The following DYM variants were observed in gnomAD, a reference collection of about 807,000 sequenced individuals.
DYM encodes dyggve-Melchior-Clausen syndrome protein.
A neutral mutation model predicts 93.1 loss-of-function variants in DYM; 78 were observed. The ratio of observed to expected loss-of-function variants is 0.84; its 90% CI spans 0.70 to 1.01. The LOEUF (loss-of-function observed/expected upper bound fraction) is 1.01, where lower values mean the gene tolerates loss of function less well. Ranked by LOEUF, DYM falls within the 50% of genes least tolerant of loss-of-function variation. DYM has a pLI of 0.00. For synonymous variants in DYM, 321 were observed against 319.7 expected, an observed-to-expected ratio of 1.00 and a Z score of -0.04; for missense variants, 789 against 845.0, an observed-to-expected ratio of 0.93 and a Z score of 0.82.
At chr18:49,227,789 G>A (rs1326973073) in intron 13 of DYM, among the ~76,000 whole-genome samples, 5 of 152,082 alleles carry the variant, frequency 3.3e-5, no homozygotes, top group Non-Finnish European at 7.4e-5. Context: ...AGTGACTGAG[G>A]CATATACCTC....
intron 2 of DYM, among the ~76,000 whole-genome samples, chr18:49,408,498 T>G (rs2071796635): frequency 6.6e-6 from 1 of 152,228 alleles, no homozygotes; most frequent in South Asian, 2.1e-4. Flanking sequence ...GCAAATTATA[T>G]TCCAGAAAGA....
At chr18:49,124,598 G>GTTA (rs1455238852) in intron 15 of DYM, among the ~76,000 whole-genome samples, 4 of 151,904 alleles carry the variant, frequency 2.6e-5, no homozygotes, top group African/African-American at 9.7e-5. Context: ...CTCTTTAAGA[G>GTTA]TTACACTAAC....
At chr18:49,339,862 C>T (rs2063963149) in intron 6 of DYM, among the ~76,000 whole-genome samples, 1 of 152,174 alleles carries the variant, frequency 6.6e-6, no homozygotes. Context: ...GGAGGCAATC[C>T]GGGTATAACC....
chr18:49,175,584 T>C (rs906960042), intron 14 of DYM, among the ~76,000 whole-genome samples: 1 of 152,210 alleles, frequency 6.6e-6, no homozygotes, highest in Non-Finnish European at 1.5e-5. Flanking sequence ...TAAAATGATG[T>C]TGATTTTATG....
chr18:49,223,305 T>A (rs1483477418), intron 13 of DYM, among the ~76,000 whole-genome samples: 1 of 152,108 alleles, frequency 6.6e-6, no homozygotes, highest in Non-Finnish European at 1.5e-5. Context: ...TAGCAAATAG[T>A]TGCAGTCTGT....
At chr18:49,264,107 T>G (rs1430611113) in intron 11 of DYM, among the ~76,000 whole-genome samples, 1 of 151,748 alleles carries the variant, frequency 6.6e-6, no homozygotes, top group Non-Finnish European at 1.5e-5. Context: ...CGTTGTTTTT[T>G]TTTTTTTTTT....
At chr18:49,308,964 C>T (rs2061429516) in intron 8 of DYM, among the ~76,000 whole-genome samples, 3 of 152,258 alleles carry the variant, frequency 2.0e-5, no homozygotes, top group East Asian at 1.9e-4. Context: ...ATATAATACA[C>T]CATTAAAATT....
rs2066068620 is a variant in DYM at position 49,362,025 on chromosome 18, A to AT, written c.494+1135_494+1136insA. 6.7e-5 allele frequency among the ~76,000 whole-genome samples: 7 copies of AT among 104,950 alleles called. No individual in the cohort carries two copies. The South Asian group carries it at 2.3e-3, about 34-fold the overall frequency. 68.9% of individuals were successfully genotyped at this position (104,950 alleles called of 152,430 possible). A position where few individuals can be genotyped will look rare whatever the true frequency, so the allele number is the denominator to read the frequency against. ...AGGCATAAGCCACTGCATCCGGCCT[A>AT]ATTTTTTTTTTTTTTTTTTAAGTAG... is the stretch of plus-strand genomic sequence containing the variant. On this transcript the variant is annotated intron_variant, in intron 6 of 17. Transcript: ENST00000675505.
chr18:49,428,415 T>C (rs1600179520), intron 2 of DYM, among the ~76,000 whole-genome samples: 1 of 152,170 alleles, frequency 6.6e-6, no homozygotes, highest in African/African-American at 2.4e-5. Context: ...CTGGACGCAG[T>C]GTCTCACGCC....
intron 13 of DYM, among the ~76,000 whole-genome samples, chr18:49,218,210 C>A (rs1329661818): frequency 6.6e-6 from 1 of 152,164 alleles, no homozygotes; most frequent in Non-Finnish European, 1.5e-5. Context: ...GCTAACTATC[C>A]TAAATATATA....
At chr18:49,110,146 A>G (rs1568437514) in intron 16 of DYM, among the ~76,000 whole-genome samples, 1 of 152,204 alleles carries the variant, frequency 6.6e-6, no homozygotes, top group Non-Finnish European at 1.5e-5. Context: ...ATTGTTGAGT[A>G]GAATAATTGT....
intron 13 of DYM, among the ~76,000 whole-genome samples, chr18:49,243,816 T>G (rs11661691): frequency 0.38 from 57,129 of 152,002 alleles, 12,780 homozygotes; most frequent in Middle Eastern, 0.6. Flanking sequence ...GGTCTCTGAT[T>G]GGCTTATGTA....
intron 14 of DYM, among the ~76,000 whole-genome samples, chr18:49,173,522 T>G (rs530998175): frequency 6.6e-6 from 1 of 152,138 alleles, no homozygotes; most frequent in Non-Finnish European, 1.5e-5. Flanking sequence ...TTTAAGTCTA[T>G]TCTTAAGTTA....
chr18:49,423,644 C>T (rs967715860), intron 2 of DYM, among the ~76,000 whole-genome samples: 9 of 151,950 alleles, frequency 5.9e-5, no homozygotes, highest in East Asian at 1.9e-4. Flanking sequence ...ATTGATAGAC[C>T]ACTAGCAAGA....
chr18:49,051,446 G>T (rs1234855532), intron 17 of DYM, among the ~76,000 whole-genome samples: 1 of 152,142 alleles, frequency 6.6e-6, no homozygotes, highest in Non-Finnish European at 1.5e-5. Flanking sequence ...ATTCTGACTA[G>T]GTGTGGTTTT....
At chr18:49,174,466 G>A (rs972273891) in intron 14 of DYM, among the ~76,000 whole-genome samples, 8 of 152,070 alleles carry the variant, frequency 5.3e-5, no homozygotes, top group Non-Finnish European at 1.0e-4. Flanking sequence ...TCTAGACCAT[G>A]GACTCATTAC....
Position 49,037,594 on chromosome 18 carries a change from T to C in DYM, c.*6461A>G, listed in dbSNP as rs376582977. Among the ~76,000 whole-genome samples, 1 of 126,794 alleles carries C rather than the reference T, an allele frequency of 7.9e-6. No individual in the cohort carries two copies. The highest frequency in any genetic ancestry group is 2.0e-5 in the Non-Finnish European group (1 of 51,160). The allele number at this position is 126,794 out of a possible 152,430, so 83.2% of individuals were successfully genotyped here. A position where few individuals can be genotyped will look rare whatever the true frequency, so the allele number is the denominator to read the frequency against. The stretch of plus-strand genomic sequence containing the variant: ...TTAAATTTAAAATAAAATTAAAAGG[T>C]CTTCTAAGCATAGTTTTATTTGCAT... On this transcript the variant is annotated 3_prime_UTR_variant, in exon 18 of 18. Transcript: ENST00000675505.
intron 15 of DYM, among the ~76,000 whole-genome samples, chr18:49,154,819 A>T (rs2144823182): frequency 6.6e-6 from 1 of 152,372 alleles, no homozygotes; most frequent in East Asian, 1.9e-4. Flanking sequence ...ATATAAAGTA[A>T]AAAGTATGTT....
At chr18:49,264,882 T>C (rs1359682908) in intron 11 of DYM, among the ~76,000 whole-genome samples, 1 of 152,212 alleles carries the variant, frequency 6.6e-6, no homozygotes, top group Admixed American at 6.5e-5. Flanking sequence ...ACCATACCTC[T>C]ATAATCTGGA....
Sources: allele counts gnomAD v4.1 joint callset (sites outside exome capture counted in the v4.1 genomes callset), GRCh38; gene constraint gnomAD v4.1.1; transcripts MANE v1.5; gene names NCBI Gene and HGNC (gene_info 2026-07-23, HGNC 2026-07-21).